ELMO1: variants seen among roughly 807,000 people sequenced by gnomAD.
ELMO1 encodes the protein engulfment and cell motility protein 1.
A neutral mutation model predicts 98.9 loss-of-function variants in ELMO1; 26 were observed. That is an observed-to-expected ratio of 0.26 (90% CI 0.19 to 0.36). The LOEUF is 0.36. Among genes scored for constraint, ELMO1 ranks in the 10% least tolerant of loss-of-function variants. ELMO1 has a pLI of 1.00. For missense variants in ELMO1, 627 were observed against 935.2 expected (o/e 0.67, Z 4.30); for synonymous variants, 346 against 346.0 (o/e 1.00, Z 0.00).
At chr7:37,370,082 G>A (rs888783367) in intron 1 of ELMO1, among the ~76,000 whole-genome samples, 2 of 152,194 alleles carry the variant, frequency 1.3e-5, no homozygotes, top group African/African-American at 4.8e-5. Context: ...AAGTCTCTAT[G>A]CTCAGGACAC....
chr7:37,317,971 T>C (rs1337634530), intron 2 of ELMO1, among the ~76,000 whole-genome samples: 4 of 152,002 alleles, frequency 2.6e-5, no homozygotes, highest in Non-Finnish European at 5.9e-5. Context: ...CGCACAAAAG[T>C]TAAAAAAATA....
At chr7:37,380,423 G>A (rs908500198) in intron 1 of ELMO1, among the ~76,000 whole-genome samples, 2 of 152,196 alleles carry the variant, frequency 1.3e-5, no homozygotes, top group African/African-American at 4.8e-5. Context: ...GAATGCTACT[G>A]AAAGGAGGTA....
At chr7:37,279,883 T>C (rs937694842) in intron 4 of ELMO1, among the ~76,000 whole-genome samples, 1 of 152,164 alleles carries the variant, frequency 6.6e-6, no homozygotes, top group Non-Finnish European at 1.5e-5. Context: ...CCCACTTCCC[T>C]GACAACCTGC....
At chr7:37,053,081 T>G (rs987759654) in intron 15 of ELMO1, among the ~76,000 whole-genome samples, 6 of 152,204 alleles carry the variant, frequency 3.9e-5, no homozygotes, top group Non-Finnish European at 7.3e-5. Context: ...TGCATTCATT[T>G]CCAGACATGG....
At chr7:36,958,088 T>G (rs964719209) in intron 16 of ELMO1, among the ~76,000 whole-genome samples, 2 of 152,204 alleles carry the variant, frequency 1.3e-5, no homozygotes, top group South Asian at 2.1e-4. Context: ...ACTCTTAACA[T>G]TGCCACCTTT....
At chr7:37,260,761 A>G (rs956979574) in intron 5 of ELMO1, among the ~76,000 whole-genome samples, 1 of 152,150 alleles carries the variant, frequency 6.6e-6, no homozygotes, top group African/African-American at 2.4e-5. Context: ...ATTAGAAAAG[A>G]AGGAAAAGAG....
At chr7:37,028,685 C>T (rs773223748) in intron 15 of ELMO1, among the ~76,000 whole-genome samples, 2 of 152,120 alleles carry the variant, frequency 1.3e-5, no homozygotes, top group Non-Finnish European at 2.9e-5. Flanking sequence ...TGGGCTCAAG[C>T]GACCGTCCCG....
chr7:37,151,319 G>C (rs1186953840), intron 13 of ELMO1, among the ~76,000 whole-genome samples: 1 of 152,104 alleles, frequency 6.6e-6, no homozygotes. Context: ...CCTGGAGCCT[G>C]ACCGTTCACA....
intron 15 of ELMO1, among the ~76,000 whole-genome samples, chr7:37,042,323 GT>G (rs905274697): frequency 2.6e-5 from 4 of 151,268 alleles, no homozygotes; most frequent in Admixed American, 6.6e-5. Flanking sequence ...CAGAGCCATG[GT>G]TTTTTTTTAA....
chr7:37,209,698 G>T (rs1171846307), intron 13 of ELMO1, among the ~76,000 whole-genome samples: 2 of 152,150 alleles, frequency 1.3e-5, no homozygotes, highest in Non-Finnish European at 2.9e-5. Flanking sequence ...TGAGGGTGAG[G>T]TAGAAAGTGA....
intron 1 of ELMO1, among the ~76,000 whole-genome samples, chr7:37,447,094 G>A (rs1265604474): frequency 1.3e-5 from 2 of 152,194 alleles, no homozygotes; most frequent in East Asian, 3.9e-4. Context: ...ACCCTGGCCA[G>A]AGGAGACCCC....
intron 13 of ELMO1, among the ~76,000 whole-genome samples, chr7:37,180,205 C>A (rs1368269495): frequency 6.6e-6 from 1 of 152,116 alleles, no homozygotes; most frequent in Non-Finnish European, 1.5e-5. Context: ...ACCCTCATAT[C>A]ACTATAGCCC....
chr7:37,349,660 G>A (rs568697687), intron 1 of ELMO1, among the ~76,000 whole-genome samples: 5 of 152,156 alleles, frequency 3.3e-5, no homozygotes, highest in Admixed American at 2.6e-4. Context: ...CACCATGTTG[G>A]CCAGGCTGGT....
intron 13 of ELMO1, among the ~76,000 whole-genome samples, chr7:37,201,460 G>A (rs1281268289): frequency 6.6e-6 from 1 of 152,182 alleles, no homozygotes; most frequent in Non-Finnish European, 1.5e-5. Context: ...AAAAATAACT[G>A]GGAATGAGAG....
chr7:36,966,016 T>C (rs1462327384), intron 16 of ELMO1, among the ~76,000 whole-genome samples: 1 of 152,232 alleles, frequency 6.6e-6, no homozygotes, highest in Non-Finnish European at 1.5e-5. Flanking sequence ...CTTCATTTAT[T>C]TTTAAACTCT....
chr7:37,110,921 T>C (rs1273428083), intron 14 of ELMO1, among the ~76,000 whole-genome samples: 2 of 152,208 alleles, frequency 1.3e-5, no homozygotes, highest in Non-Finnish European at 2.9e-5. Flanking sequence ...GTAAGCTCTT[T>C]GGGGAAGAAT....
intron 15 of ELMO1, among the ~76,000 whole-genome samples, chr7:37,030,664 C>A (rs1416183790): frequency 6.6e-6 from 1 of 152,160 alleles, no homozygotes; most frequent in Non-Finnish European, 1.5e-5. Flanking sequence ...AGAAGAGATA[C>A]CTGGATAATT....
chr7:36,947,323 C>A (rs1787579673), intron 16 of ELMO1, among the ~76,000 whole-genome samples: 1 of 152,210 alleles, frequency 6.6e-6, no homozygotes, highest in South Asian at 2.1e-4. Context: ...ATCCACTGAG[C>A]TCATCTCTCC....
intron 1 of ELMO1, among the ~76,000 whole-genome samples, chr7:37,432,166 C>A (rs1245163066): frequency 6.6e-6 from 1 of 152,186 alleles, no homozygotes; most frequent in East Asian, 1.9e-4. Context: ...CAGGTGTGAG[C>A]CACCGCACCT....
Sources: gnomAD v4.1 joint callset for allele counts (sites outside exome capture counted in the v4.1 genomes callset) on GRCh38, gnomAD v4.1.1 for gene constraint, MANE v1.5 for transcripts, NCBI Gene and HGNC (gene_info 2026-07-23, HGNC 2026-07-21) for gene names.